DGUOK: variants seen among roughly 807,000 people sequenced by gnomAD.
The protein encoded by DGUOK is deoxyguanosine kinase, mitochondrial.
In DGUOK, 30 loss-of-function variants were observed where a neutral mutation model predicts 36.6. The observed-to-expected ratio is 0.82, with a 90% CI of 0.61 to 1.11. The LOEUF (loss-of-function observed/expected upper bound fraction) is 1.11, where lower values mean the gene tolerates loss of function less well. Among genes scored for constraint, DGUOK ranks in the 50% most tolerant of loss-of-function variants. DGUOK has a pLI of 0.00. For missense variants in DGUOK, 361 were observed against 336.4 expected (o/e 1.07, Z -0.57); for synonymous variants, 145 against 126.3 (o/e 1.15, Z -0.99).
intron 1 of DGUOK, among the ~76,000 whole-genome samples, chr2:73,935,960 C>T (rs943732442): frequency 1.3e-5 from 2 of 152,128 alleles, no homozygotes; most frequent in African/African-American, 4.8e-5. Context: ...AGTGTCTGAC[C>T]TCAGAGCCCT....
At chr2:73,933,113 C>A (rs1419717479) in intron 1 of DGUOK, among the ~76,000 whole-genome samples, 1 of 152,202 alleles carries the variant, frequency 6.6e-6, no homozygotes, top group Non-Finnish European at 1.5e-5. Flanking sequence ...CAGTAGAGGG[C>A]TTCCCTAATA....
intron 5 of DGUOK, 63 bp downstream of exon 5, chr2:73,957,303 AAAC>A: frequency 1.6e-6 from 2 of 1,279,660 alleles, no homozygotes; most frequent in South Asian, 2.5e-5. Flanking sequence ...CAGTTGTTAA[AAAC>A]AAGTTCAGCA....
rs749162727 is a variant in DGUOK, at chr2:73,939,040, G to A, written c.255+18G>A. 1.3e-6 allele frequency: 2 copies of A among 1,529,550 alleles called. No homozygotes were observed. Among genetic ancestry groups the A allele is most frequent in the Admixed American group, 1.7e-5 (1 of 59,878 alleles). 94.7% of individuals were successfully genotyped at this position (1,529,550 alleles called of 1,614,324 possible). A position where few individuals can be genotyped will look rare whatever the true frequency, so the allele number is the denominator to read the frequency against. On this transcript the variant is annotated intron_variant, in intron 2 of 6. Coordinates refer to ENST00000264093, the MANE Select transcript of DGUOK (RefSeq NM_080916.3). ...CCCAAAAAGTAAGTTTTTAGTTGTG[G>A]TGGGTAGTTGGCAGGCATGGGTGAA...
At chr2:73,958,560 C>A in intron 6 of DGUOK, 150 bp from the exon 7 acceptor site, 1 of 715,046 alleles carries the variant, frequency 1.4e-6, no homozygotes, top group Non-Finnish European at 2.5e-6. Flanking sequence ...TGCTATATGA[C>A]CCTGGGCTGC....
chr2:73,935,463 AC>A (rs1681385286), intron 1 of DGUOK, among the ~76,000 whole-genome samples: 1 of 150,664 alleles, frequency 6.6e-6, no homozygotes, highest in Admixed American at 6.7e-5. Flanking sequence ...AACAAACAAC[AC>A]CCCAGCAAGA....
At chr2:73,931,549 C>A (rs540598319) in intron 1 of DGUOK, among the ~76,000 whole-genome samples, 2 of 152,256 alleles carry the variant, frequency 1.3e-5, no homozygotes, top group Admixed American at 6.5e-5. Flanking sequence ...TGCCATATGT[C>A]GAAGAGCCTT....
chr2:73,950,812 GGTT>G (rs1483905559), intron 4 of DGUOK, 80 bp downstream of exon 4: 1 of 1,584,218 alleles, frequency 6.3e-7, no homozygotes, highest in Non-Finnish European at 8.7e-7. Context: ...CTGATTTTCT[GGTT>G]GGAGAGATTA....
chr2:73,956,995 C>A, intron 4 of DGUOK, 130 bp from the exon 5 acceptor site: 4 of 488,066 alleles, frequency 8.2e-6, no homozygotes, highest in African/African-American at 2.3e-5. Context: ...GAAAACAAGA[C>A]AGCAGAAGCA....
intron 1 of DGUOK, among the ~76,000 whole-genome samples, chr2:73,935,737 T>C (rs1681411165): frequency 6.6e-6 from 1 of 152,216 alleles, no homozygotes; most frequent in South Asian, 2.1e-4. Context: ...TGTCATTGTA[T>C]GCTGAAGCTG....
chr2:73,938,764 T>A (rs1361644356), intron 1 of DGUOK, 146 bp from the exon 2 acceptor site: 5 of 682,736 alleles, frequency 7.3e-6, no homozygotes, highest in African/African-American at 5.3e-5. Flanking sequence ...GTTATCAGTC[T>A]GACAATGGTA....
At chr2:73,932,440 T>C (rs1003422268) in intron 1 of DGUOK, among the ~76,000 whole-genome samples, 16 of 152,196 alleles carry the variant, frequency 1.1e-4, no homozygotes, top group African/African-American at 3.9e-4. Context: ...TTTGTATTGC[T>C]GACACCTAAC....
At chr2:73,935,349 G>T (rs1681378801) in intron 1 of DGUOK, among the ~76,000 whole-genome samples, 1 of 152,200 alleles carries the variant, frequency 6.6e-6, no homozygotes, top group Non-Finnish European at 1.5e-5. Context: ...GTAGACAGGG[G>T]TGTTCTGGTC....
intron 2 of DGUOK, among the ~76,000 whole-genome samples, chr2:73,944,553 G>C (rs535380911): frequency 6.0e-4 from 91 of 152,298 alleles, no homozygotes; most frequent in Non-Finnish European, 9.4e-4. Flanking sequence ...AGCCCTGTCT[G>C]AGCACAGAGA....
At chr2:73,932,751 A>AGAC (rs1335058800) in intron 1 of DGUOK, 26 of 837,356 alleles carry the variant, frequency 3.1e-5, no homozygotes, top group Admixed American at 4.0e-5. Context: ...CTGAAGGTGC[A>AGAC]GACAGCGGCA....
chr2:73,953,406 A>C (rs1037945806), intron 4 of DGUOK, among the ~76,000 whole-genome samples: 19 of 152,188 alleles, frequency 1.2e-4, no homozygotes, highest in Admixed American at 9.8e-4. Flanking sequence ...ATTACAACTT[A>C]ATGGCAGAAA....
At chr2:73,932,986 C>T (rs1553400267) in intron 1 of DGUOK, among the ~76,000 whole-genome samples, 2 of 152,134 alleles carry the variant, frequency 1.3e-5, no homozygotes, top group Non-Finnish European at 2.9e-5. Flanking sequence ...GAAAAGATTG[C>T]TGTATGAAAT....
chr2:73,957,566 C>G (rs558568096), intron 5 of DGUOK, among the ~76,000 whole-genome samples: 1 of 152,000 alleles, frequency 6.6e-6, no homozygotes, highest in East Asian at 1.9e-4. Flanking sequence ...ACCAGCTACT[C>G]GGGAGGCTGA....
chr2:73,940,588 CTGTG>C (rs1283636119), intron 2 of DGUOK, among the ~76,000 whole-genome samples: 9 of 152,112 alleles, frequency 5.9e-5, no homozygotes, highest in African/African-American at 2.2e-4. Flanking sequence ...CACAGGTCAC[CTGTG>C]TGTATTTCAA....
At chr2:73,937,453 A>G (rs944621719) in intron 1 of DGUOK, among the ~76,000 whole-genome samples, 1 of 152,264 alleles carries the variant, frequency 6.6e-6, no homozygotes, top group East Asian at 1.9e-4. Context: ...GCAAGAGATG[A>G]TAAGAGGCTG....
Sources: allele counts gnomAD v4.1 joint callset (sites outside exome capture counted in the v4.1 genomes callset), GRCh38; gene constraint gnomAD v4.1.1; transcripts MANE v1.5; gene names NCBI Gene and HGNC (gene_info 2026-07-23, HGNC 2026-07-21).